ZMIZ1: variants seen among roughly 807,000 people sequenced by gnomAD.
ZMIZ1 encodes zinc finger MIZ-type containing 1.
ZMIZ1 carries 17 observed loss-of-function variants against 113.9 expected under a neutral mutation model. The observed-to-expected ratio is 0.15, with a 90% confidence interval of 0.10 to 0.22. ZMIZ1 has a LOEUF of 0.22. Ranked by LOEUF, ZMIZ1 falls within the 10% of genes least tolerant of loss-of-function variation. The pLI is 1.00. For synonymous variants in ZMIZ1, 607 were observed against 603.1 expected (o/e 1.01, Z -0.09); for missense variants, 1,059 against 1,477.8 (o/e 0.72, Z 4.65).
At chr10:79,217,162 G>T (rs1283530174) in intron 7 of ZMIZ1, among the ~76,000 whole-genome samples, 3 of 152,210 alleles carry the variant, frequency 2.0e-5, no homozygotes, top group Non-Finnish European at 4.4e-5. Flanking sequence ...GGTGGCTCAC[G>T]CCTGTAATCC....
chr10:79,240,933 T>C (rs1486134306), intron 7 of ZMIZ1, among the ~76,000 whole-genome samples: 3 of 152,198 alleles, frequency 2.0e-5, no homozygotes, highest in Non-Finnish European at 2.9e-5. Flanking sequence ...CTCCTGGGGC[T>C]GGCCACATGG....
rs146442269 is a variant in ZMIZ1, at chr10:79,249,537, G to T, written c.281-27644G>T. 1.8e-4 allele frequency among the ~76,000 whole-genome samples: 27 copies of T among 152,336 alleles called. No homozygotes were observed. The East Asian group carries it at 5.2e-3, about 29-fold the overall frequency. ...GTGAGGGGTGCCTGCCTTTCTTGAGGTCCCTGCTTGTAAGGAGCAGCGTGG... is the reference window on the plus strand; with the variant it reads ...GTGAGGGGTGCCTGCCTTTCTTGAGTTCCCTGCTTGTAAGGAGCAGCGTGG... On this transcript the variant is annotated intron_variant, in intron 7 of 24. Coordinates refer to ENST00000334512, the MANE Select transcript of ZMIZ1 (RefSeq NM_020338.4).
chr10:79,134,561 G>A (rs1412738032), intron 2 of ZMIZ1, among the ~76,000 whole-genome samples: 3 of 152,214 alleles, frequency 2.0e-5, no homozygotes, highest in African/African-American at 7.2e-5. Context: ...TCCCTGGGCA[G>A]CCCTGGGCTT....
intron 18 of ZMIZ1, among the ~76,000 whole-genome samples, chr10:79,303,012 C>T (rs902274288): frequency 3.3e-5 from 5 of 152,042 alleles, no homozygotes; most frequent in African/African-American, 9.7e-5. Flanking sequence ...CAGGCGCCCA[C>T]CACCGCACCT....
intron 4 of ZMIZ1, among the ~76,000 whole-genome samples, chr10:79,164,191 C>T (rs1328838343): frequency 6.6e-6 from 1 of 152,220 alleles, no homozygotes; most frequent in Non-Finnish European, 1.5e-5. Context: ...GGCCCACTGT[C>T]AGCACCAACA....
intron 2 of ZMIZ1, among the ~76,000 whole-genome samples, chr10:79,129,565 C>T (rs1844661874): frequency 6.6e-6 from 1 of 152,214 alleles, no homozygotes; most frequent in Admixed American, 6.5e-5. Context: ...CCTCTCTTCC[C>T]TCCCCTCTGC....
rs1173826828 is a variant in ZMIZ1 at position 79,314,092 on chromosome 10, A to G, written c.*1343A>G. 1.8e-5 allele frequency: 8 copies of G among 456,844 alleles called. No individual in the cohort carries two copies. In the Admixed American group the frequency reaches 1.9e-4, roughly 11 times the overall value. 28.3% of individuals were successfully genotyped at this position (456,844 alleles called of 1,614,324 possible). ...CCTGCCTGCACTCCTCCACCATCAC[A>G]ATCTCACCCAAACTCCTGCTCACTC... is the stretch of plus-strand genomic sequence containing the variant. On this transcript the variant is annotated 3_prime_UTR_variant, in exon 25 of 25. Coordinates refer to ENST00000334512, the MANE Select transcript of ZMIZ1 (RefSeq NM_020338.4).
intron 19 of ZMIZ1, among the ~76,000 whole-genome samples, chr10:79,304,603 G>A (rs1854555072): frequency 6.6e-6 from 1 of 152,234 alleles, no homozygotes; most frequent in South Asian, 2.1e-4. Flanking sequence ...AACATGGGCA[G>A]CCCGGCCTGG....
In ZMIZ1 at chr10:79,312,554, G is replaced by A. The variant is rs569811425; in HGVS notation, c.3097-88G>A. 386 of 1,408,880 alleles carry A rather than the reference G, an allele frequency of 2.7e-4. No homozygotes were observed. In the African/African-American group the frequency reaches 5.0e-3, roughly 18 times the overall value. 87.3% of individuals were successfully genotyped at this position (1,408,880 alleles called of 1,614,324 possible). On this transcript the variant is annotated intron_variant, in intron 24 of 24. Coordinates refer to ENST00000334512, the MANE Select transcript of ZMIZ1 (RefSeq NM_020338.4). ...AGGGTCCTGAGAGGCAGGTGGAGGG[G>A]GACGGGCCAGGGCGCCCCTGCATTC...
rs529852877 is a variant in ZMIZ1, at chr10:79,311,679, C to G, written c.3096+495C>G. On this transcript the variant is annotated intron_variant, in intron 24 of 24. Coordinates refer to ENST00000334512, the MANE Select transcript of ZMIZ1 (RefSeq NM_020338.4). ...CTCCAAGAGGCCCCCATGTGGGTGA[C>G]AGAAGGTGGGGGCAGAGGGGGCAGC... Among the ~76,000 whole-genome samples the G allele has an allele frequency of 9.1e-4, 139 of 152,146 alleles. No homozygotes were observed. The Middle Eastern group carries it at 0.014, about 15-fold the overall frequency.
intron 1 of ZMIZ1, among the ~76,000 whole-genome samples, chr10:79,117,719 G>T (rs994497941): frequency 6.6e-6 from 1 of 152,186 alleles, no homozygotes; most frequent in Non-Finnish European, 1.5e-5. Flanking sequence ...CTAGTGTCTA[G>T]TGTGTGCCCC....
intron 3 of ZMIZ1, among the ~76,000 whole-genome samples, chr10:79,153,385 A>C (rs1342974598): frequency 6.6e-6 from 1 of 152,218 alleles, no homozygotes; most frequent in Non-Finnish European, 1.5e-5. Context: ...ATGTCAAGGG[A>C]TGGGAGGCAC....
At chr10:79,310,725 C>T (rs904141011) in intron 23 of ZMIZ1, among the ~76,000 whole-genome samples, 199 bp from the exon 24 acceptor site, 1 of 152,158 alleles carries the variant, frequency 6.6e-6, no homozygotes, top group African/African-American at 2.4e-5. Flanking sequence ...CGTCCCCCTG[C>T]AGCCTCCCTG....
At chr10:79,265,468 C>CTTT (rs35682814) in intron 7 of ZMIZ1, among the ~76,000 whole-genome samples, 1 of 91,658 alleles carries the variant, frequency 1.1e-5, no homozygotes, top group Non-Finnish European at 2.1e-5. Flanking sequence ...TTTTTCTTTT[C>CTTT]TTTTTTTTTT....
intron 3 of ZMIZ1, among the ~76,000 whole-genome samples, chr10:79,145,709 C>G (rs2132431628): frequency 6.6e-6 from 1 of 152,184 alleles, no homozygotes; most frequent in East Asian, 1.9e-4. Flanking sequence ...AGGGGCTTGG[C>G]CAGAATTAGC....
At chr10:79,186,624 G>A (rs1847362941) in intron 4 of ZMIZ1, among the ~76,000 whole-genome samples, 1 of 152,220 alleles carries the variant, frequency 6.6e-6, no homozygotes, top group Non-Finnish European at 1.5e-5. Flanking sequence ...TGCCACTTAA[G>A]CTAAAACACT....
intron 7 of ZMIZ1, 118 bp downstream of exon 7, chr10:79,216,392 C>G (rs888587137): frequency 8.3e-6 from 7 of 844,674 alleles, no homozygotes; most frequent in Non-Finnish European, 1.2e-5. Context: ...AGGTGTAGTG[C>G]GAACCCCTGA....
intron 8 of ZMIZ1, chr10:79,285,640 G>GT (rs1853028182): frequency 2.2e-6 from 1 of 449,122 alleles, no homozygotes; most frequent in Non-Finnish European, 4.5e-6. Flanking sequence ...CAGAGAGGTG[G>GT]TTTCTCCCTG....
chr10:79,262,106 G>C (rs761358390), intron 7 of ZMIZ1, among the ~76,000 whole-genome samples: 14 of 152,206 alleles, frequency 9.2e-5, no homozygotes, highest in Non-Finnish European at 1.9e-4. Context: ...GAACCCAGAA[G>C]GGGAGAGAAA....
Sources: gnomAD v4.1 joint callset for allele counts (sites outside exome capture counted in the v4.1 genomes callset) on GRCh38, gnomAD v4.1.1 for gene constraint, MANE v1.5 for transcripts, NCBI Gene and HGNC (gene_info 2026-07-23, HGNC 2026-07-21) for gene names.